The following PRKN variants were observed in gnomAD, a reference collection of about 807,000 sequenced individuals.
PRKN encodes parkin RBR E3 ubiquitin protein ligase, also known as E3 ubiquitin-protein ligase parkin.
Under a neutral mutation model 59.5 loss-of-function variants are expected in PRKN, and 56 were observed. The observed-to-expected ratio is 0.94, with a 90% CI of 0.76 to 1.18. The LOEUF is 1.18. PRKN is among the 50% of genes most tolerant of loss of function. PRKN has a pLI of 0.00. For synonymous variants in PRKN, 250 were observed against 222.1 expected (o/e 1.13, Z -1.12); for missense variants, 657 against 596.4 (o/e 1.10, Z -1.06).
rs75395077 is a variant in PRKN, at chr6:162,351,403, T to C, written c.172-88638A>G. Among the ~76,000 whole-genome samples the C allele has an allele frequency of 3.0e-3, 464 of 152,264 alleles. 2 individuals carry two copies. The highest frequency in any genetic ancestry group is 0.011 in the African/African-American group (444 of 41,562). Reference sequence around the variant, plus strand: ...GAGATACTACTACACACCTGTCAAATTGAATACCTTTTAATTAAAAGGTAG... The same window carrying C: ...GAGATACTACTACACACCTGTCAAACTGAATACCTTTTAATTAAAAGGTAG... On this transcript the variant is annotated intron_variant, in intron 2 of 11. Transcript: ENST00000366898.
intron 1 of PRKN, among the ~76,000 whole-genome samples, chr6:162,640,522 G>T (rs1410293101): frequency 6.6e-6 from 1 of 152,126 alleles, no homozygotes; most frequent in Non-Finnish European, 1.5e-5. Flanking sequence ...AAAGGAGAAA[G>T]GGTTTCCTCA....
intron 5 of PRKN, among the ~76,000 whole-genome samples, chr6:162,020,407 C>T (rs1186032509): frequency 6.9e-6 from 1 of 145,492 alleles, no homozygotes; most frequent in Non-Finnish European, 1.5e-5. Flanking sequence ...AGAGCAAAAT[C>T]CTATTTAAAG....
chr6:162,249,125 G>T (rs569642438), intron 3 of PRKN, among the ~76,000 whole-genome samples: 77 of 152,210 alleles, frequency 5.1e-4, no homozygotes, highest in African/African-American at 1.9e-3. Flanking sequence ...TGATCAGCCC[G>T]CCTTGGCCTC....
chr6:162,073,322 T>G (rs113828135), intron 4 of PRKN, among the ~76,000 whole-genome samples: 29 of 152,204 alleles, frequency 1.9e-4, no homozygotes, highest in African/African-American at 5.8e-4. Context: ...CCAGAGCAAG[T>G]GTCTATTCCT....
intron 7 of PRKN, among the ~76,000 whole-genome samples, chr6:161,757,649 C>T (rs966118311): frequency 2.6e-5 from 4 of 151,868 alleles, no homozygotes; most frequent in Middle Eastern, 6.8e-3. Context: ...ACCAGCCTGA[C>T]CAACATGGCA....
chr6:161,969,137 T>C (rs1583419258), intron 6 of PRKN, among the ~76,000 whole-genome samples: 1 of 152,032 alleles, frequency 6.6e-6, no homozygotes, highest in African/African-American at 2.4e-5. Flanking sequence ...GAAAGGAAGG[T>C]GACAATATGG....
intron 1 of PRKN, among the ~76,000 whole-genome samples, chr6:162,669,506 T>C (rs1779239135): frequency 6.6e-6 from 1 of 152,194 alleles, no homozygotes; most frequent in Non-Finnish European, 1.5e-5. Context: ...AAGCCCTTCC[T>C]AATTCAAGAA....
At position 162,444,429 on chromosome 6, in the gene PRKN, C is replaced by T. The variant is rs188095084; in HGVS notation, c.8-956G>A. Among the ~76,000 whole-genome samples the T allele has an allele frequency of 2.1e-3, 314 of 148,308 alleles. 1 individual carries two copies. Among genetic ancestry groups the T allele is most frequent in the African/African-American group, 7.3e-3 (276 of 37,870 alleles). On this transcript the variant is annotated intron_variant, in intron 1 of 11. Coordinates refer to ENST00000366898, the MANE Select transcript of PRKN (RefSeq NM_004562.3). ...AAGATCCCTTTCATCTAGCACAAAC[C>T]TACATTCCAGCATTTTCTTCATTAA...
rs989584586 is a variant in PRKN, at chr6:161,356,694, A to G, written c.1285+3394T>C. On this transcript the variant is annotated intron_variant, in intron 11 of 11. Coordinates refer to ENST00000366898, the MANE Select transcript of PRKN (RefSeq NM_004562.3). The surrounding 1 kb of genome is among the most constrained non-coding windows in gnomAD (Gnocchi z 7.8). ...GGATGAGCTTTAGCTTAGCGGCTTG[A>G]GGAACTGGGCGGTGCTGTTGACTGA... 1.3e-5 allele frequency among the ~76,000 whole-genome samples: 2 copies of G among 152,080 alleles called. No individual in the cohort carries two copies. Among genetic ancestry groups the G allele is most frequent in the Non-Finnish European group, 2.9e-5 (2 of 68,014 alleles).
chr6:162,524,213 A>G (rs1281567124), intron 1 of PRKN, among the ~76,000 whole-genome samples: 3 of 152,188 alleles, frequency 2.0e-5, no homozygotes, highest in African/African-American at 4.8e-5. Context: ...GTAACCCTGG[A>G]TATTTTTAAT....
At position 161,475,866 on chromosome 6, in the gene PRKN, CTT is replaced by C. The variant is rs1427938691; in HGVS notation, c.1083+72986_1083+72987del. Among the ~76,000 whole-genome samples, 1 of 151,928 alleles carries C rather than the reference CTT, an allele frequency of 6.6e-6. No individual in the cohort carries two copies. The highest frequency in any genetic ancestry group is 1.5e-5 in the Non-Finnish European group (1 of 67,998). Reference sequence around the variant, plus strand: ...CTGATAACTGCATTTTCCTTTCAATCTTATATATTTTATATATTTAAAAATAT... The same window carrying C: ...CTGATAACTGCATTTTCCTTTCAATCATATATTTTATATATTTAAAAATAT... On this transcript the variant is annotated intron_variant, in intron 9 of 11. Transcript: ENST00000366898. The surrounding 1 kb of genome is among the most constrained non-coding windows in gnomAD (Gnocchi z 5.3).
At chr6:161,857,953 T>A (rs1406242091) in intron 6 of PRKN, among the ~76,000 whole-genome samples, 1 of 152,222 alleles carries the variant, frequency 6.6e-6, no homozygotes, top group Admixed American at 6.5e-5. Context: ...TAGCATCCAA[T>A]TATCACGTTG....
intron 1 of PRKN, among the ~76,000 whole-genome samples, chr6:162,530,016 G>A (rs577596769): frequency 8.3e-4 from 127 of 152,112 alleles, no homozygotes; most frequent in African/African-American, 3.0e-3. Context: ...TGTAATCCCA[G>A]CTACTCAGGA....
At chr6:162,506,431 C>T (rs1793611952) in intron 1 of PRKN, among the ~76,000 whole-genome samples, 1 of 152,154 alleles carries the variant, frequency 6.6e-6, no homozygotes, top group Admixed American at 6.5e-5. Context: ...TTGATTATTA[C>T]AGTCCTCCCT....
At chr6:162,384,658 A>AC (rs1407880020) in intron 2 of PRKN, among the ~76,000 whole-genome samples, 205 of 143,850 alleles carry the variant, frequency 1.4e-3, no homozygotes, top group African/African-American at 5.1e-3. Context: ...AAAAAAAAAA[A>AC]AAAACAAAAA....
chr6:162,331,473 T>G (rs530733428), intron 2 of PRKN, among the ~76,000 whole-genome samples: 2 of 152,334 alleles, frequency 1.3e-5, no homozygotes, highest in African/African-American at 4.8e-5. Flanking sequence ...CTGTAGCTCA[T>G]TCCTTTCTTC....
chr6:162,684,977 G>T (rs537774565), intron 1 of PRKN, among the ~76,000 whole-genome samples: 1 of 152,028 alleles, frequency 6.6e-6, no homozygotes, highest in South Asian at 2.1e-4. Context: ...ACATGTTTAC[G>T]GTGTAAAAAA....
At chr6:161,826,838 A>G (rs1385200157) in intron 6 of PRKN, among the ~76,000 whole-genome samples, 1 of 152,238 alleles carries the variant, frequency 6.6e-6, no homozygotes, top group Non-Finnish European at 1.5e-5. Flanking sequence ...GCAAATATGC[A>G]TGATCGAAAT....
chr6:161,679,040 C>G (rs1785200236), intron 7 of PRKN, among the ~76,000 whole-genome samples: 1 of 152,148 alleles, frequency 6.6e-6, no homozygotes, highest in Admixed American at 6.5e-5. Context: ...GCACATGTCT[C>G]TAAACATAGT....
Sources: gnomAD v4.1 joint callset for allele counts (sites outside exome capture counted in the v4.1 genomes callset) on GRCh38, gnomAD v4.1.1 for gene constraint, Gnocchi (gnomAD v3.1) non-coding constraint, MANE v1.5 for transcripts, NCBI Gene and HGNC (gene_info 2026-07-23, HGNC 2026-07-21) for gene names.